ALAS1: variants seen among roughly 807,000 people sequenced by gnomAD.
ALAS1 encodes the protein 5'-aminolevulinate synthase 1, also known as 5-aminolevulinate synthase, non-specific, mitochondrial.
In ALAS1, 29 loss-of-function variants were observed where a neutral mutation model predicts 59.6. The ratio of observed to expected loss-of-function variants is 0.49; its 90% confidence interval spans 0.36 to 0.66. ALAS1 has a LOEUF of 0.66. Among genes scored for constraint, ALAS1 ranks in the 30% least tolerant of loss-of-function variants. ALAS1 has a pLI of 0.00. For synonymous variants in ALAS1, 299 were observed against 296.6 expected (o/e 1.01, Z -0.08); for missense variants, 690 against 807.5 (o/e 0.85, Z 1.76).
At chr3:52,199,118 C>T (rs1351960042) in intron 2 of ALAS1, 92 bp from the exon 3 acceptor site, 2 of 1,292,042 alleles carry the variant, frequency 1.5e-6, no homozygotes, top group South Asian at 1.4e-5. Context: ...CCAGGGTACC[C>T]TTTATATAAA....
rs1699239528 is a variant in ALAS1, at chr3:52,203,879, A to G, written c.444A>G (p.Ser148=). The G allele has an allele frequency of 6.3e-7, 1 of 1,596,414 alleles. No homozygotes were observed. Among genetic ancestry groups the G allele is most frequent in the Non-Finnish European group, 8.5e-7 (1 of 1,171,726 alleles). ...NAVRKEVAET[S]AGPSVVSVKT... ...TTGTTCCAGAGGTTGCTGAAACCTC[A>G]GCAGGCCCCAGTGTGGTTAGTGTGA... Residue 148 remains serine, a synonymous_variant, in exon 5 of 12, where the codon TCA becomes TCG. Coordinates refer to ENST00000484952, the MANE Select transcript of ALAS1 (RefSeq NM_000688.6).
Position 52,214,106 on chromosome 3 carries a change from C to T in ALAS1, c.1849C>T (p.His617Tyr). The change falls in exon 12 of 12, where the codon CAT becomes TAT. Residue 617 changes from histidine to tyrosine, a missense_variant. Physicochemically the swap from His to Tyr is moderately conservative, Grantham distance 83. Transcript: ENST00000484952. The part of the protein sequence containing the change: ...AECNFCRRPL[H>Y]FEVMSEREKS... Reference sequence around the variant, plus strand: ...GTGCAACTTCTGCAGGAGGCCACTGCATTTTGAAGTGATGAGTGAAAGAGA... The same window carrying T: ...GTGCAACTTCTGCAGGAGGCCACTGTATTTTGAAGTGATGAGTGAAAGAGA... The T allele has an allele frequency of 6.2e-7, 1 of 1,613,962 alleles. No homozygotes were observed.
intron 2 of ALAS1, 52 bp from the exon 3 acceptor site, chr3:52,199,158 T>A (rs1379873015): frequency 6.4e-7 from 1 of 1,565,972 alleles, no homozygotes; most frequent in East Asian, 2.2e-5. Context: ...CCAGTGAGCT[T>A]GCAGTGATAT....
At chr3:52,206,514 C>G in intron 7 of ALAS1, 58 bp from the exon 8 acceptor site, 1 of 1,555,970 alleles carries the variant, frequency 6.4e-7, no homozygotes, top group Non-Finnish European at 8.8e-7. Flanking sequence ...TTGTCTTTCT[C>G]TAGGAAATAA....
chr3:52,206,241 T>C (rs1047075796), intron 7 of ALAS1, among the ~76,000 whole-genome samples: 2 of 152,242 alleles, frequency 1.3e-5, no homozygotes, highest in African/African-American at 4.8e-5. Context: ...GTCTCATCCT[T>C]GAGCTAATTG....
intron 8 of ALAS1, 119 bp downstream of exon 8, chr3:52,206,870 T>C (rs1699302110): frequency 8.9e-7 from 1 of 1,128,840 alleles, no homozygotes. Context: ...ATCCTCGCTC[T>C]GTTGCCCAGG....
intron 10 of ALAS1, among the ~76,000 whole-genome samples, chr3:52,211,777 C>T (rs1699415716): frequency 6.6e-6 from 1 of 152,214 alleles, no homozygotes; most frequent in Non-Finnish European, 1.5e-5. Flanking sequence ...CTCCGGAGCA[C>T]TGACCTTAAC....
chr3:52,203,871 G>A lies in ALAS1; in HGVS notation c.436G>A (p.Glu146Lys). 6.3e-7 allele frequency: 1 copy of A among 1,581,978 alleles called. No individual in the cohort carries two copies. Among genetic ancestry groups the A allele is most frequent in the Non-Finnish European group, 8.6e-7 (1 of 1,164,726 alleles). The change falls in exon 5 of 12, where the codon GAA (glutamate) becomes AAA (lysine). Residue 146 changes from glutamate to lysine, a missense_variant. Glu to Lys is a moderately conservative substitution (Grantham distance 56). Coordinates refer to ENST00000484952, the MANE Select transcript of ALAS1 (RefSeq NM_000688.6). ...TGTTACTTTTGTTCCAGAGGTTGCTGAAACCTCAGCAGGCCCCAGTGTGGT... is the reference window on the plus strand; with the variant it reads ...TGTTACTTTTGTTCCAGAGGTTGCTAAAACCTCAGCAGGCCCCAGTGTGGT... The part of the protein sequence containing the change: ...EMNAVRKEVA[E>K]TSAGPSVVSV...
intron 1 of ALAS1, 77 bp downstream of exon 1, chr3:52,198,332 C>A (rs1699112078): frequency 7.4e-6 from 3 of 406,310 alleles, no homozygotes; most frequent in South Asian, 1.0e-4. Flanking sequence ...ACCGCTGCCC[C>A]GGGTGCTGGG....
At chr3:52,199,845 T>A (rs181274) in intron 3 of ALAS1, among the ~76,000 whole-genome samples, 76,403 of 152,074 alleles carry the variant, frequency 0.5, 19,454 homozygotes, top group Non-Finnish European at 0.54. Context: ...TTTTTGAGAC[T>A]GAGTCTTGCT....
At chr3:52,203,603 A>G (rs1577964273) in intron 4 of ALAS1, among the ~76,000 whole-genome samples, 1 of 152,128 alleles carries the variant, frequency 6.6e-6, no homozygotes, top group South Asian at 2.1e-4. Context: ...AGTGAATAAG[A>G]CATGCCAACC....
chr3:52,198,543 A>T, intron 1 of ALAS1, 129 bp from the exon 2 acceptor site: 1 of 544,462 alleles, frequency 1.8e-6, no homozygotes, highest in East Asian at 3.0e-5. Flanking sequence ...TCTGACCCCC[A>T]CTGCCGGAGG....
At position 52,211,330 on chromosome 3, in the gene ALAS1, C is replaced by T. The variant is rs377002690; in HGVS notation, c.1378C>T (p.Leu460=). Residue 460 remains leucine, a synonymous_variant, in exon 10 of 12, where the codon CTG becomes TTG. Coordinates refer to ENST00000484952, the MANE Select transcript of ALAS1 (RefSeq NM_000688.6). ...VGGYIASTSS[L]IDTVRSYAAG... is the part of the protein sequence containing the mutation. ...AGGGTACATCGCCAGCACGAGTTCTCTGATTGACACCGTACGGTCCTATGC... is the reference window on the plus strand; with the variant it reads ...AGGGTACATCGCCAGCACGAGTTCTTTGATTGACACCGTACGGTCCTATGC... 11 of 1,614,104 alleles carry T rather than the reference C, an allele frequency of 6.8e-6. No individual in the cohort carries two copies. The African/African-American group carries it at 1.2e-4, about 18-fold the overall frequency.
rs1699261414 is a variant in ALAS1 at position 52,204,837 on chromosome 3, C to T, written c.722C>T (p.Thr241Ile). ...MADDYSDSLI[T>I]KKQVSVWCSN... Reference sequence around the variant, plus strand: ...GATGACTATTCAGACTCCCTCATCACCAAAAAGCAAGTGTCAGTCTGGTGC... The same window carrying T: ...GATGACTATTCAGACTCCCTCATCATCAAAAAGCAAGTGTCAGTCTGGTGC... Residue 241 changes from threonine (T) to isoleucine (I), a missense_variant, in exon 6 of 12, where the codon ACC becomes ATC. Physicochemically the swap from Thr to Ile is moderately conservative, Grantham distance 89. Transcript: ENST00000484952. 1 of 1,614,178 alleles carries T rather than the reference C, an allele frequency of 6.2e-7. No homozygotes were observed. Among genetic ancestry groups the T allele is most frequent in the Non-Finnish European group, 8.5e-7 (1 of 1,180,032 alleles).
At position 52,214,240 on chromosome 3, in the gene ALAS1, A is replaced by G; in HGVS notation, c.*60A>G. 6.9e-7 allele frequency: 1 copy of G among 1,440,552 alleles called. No individual in the cohort carries two copies. The highest frequency in any genetic ancestry group is 9.4e-7 in the Non-Finnish European group (1 of 1,062,400). 89.2% of individuals were successfully genotyped at this position (1,440,552 alleles called of 1,614,324 possible). A position where few individuals can be genotyped will look rare whatever the true frequency, so the allele number is the denominator to read the frequency against. On this transcript the variant is annotated 3_prime_UTR_variant, in exon 12 of 12. Transcript: ENST00000484952. ...ATTATCATATCCAGATGGTCTTCAG[A>G]GTTGTCTTTATATGTGAATTAAGTT...
intron 8 of ALAS1, among the ~76,000 whole-genome samples, chr3:52,207,327 G>A (rs1333969168): frequency 6.6e-6 from 1 of 151,544 alleles, no homozygotes; most frequent in Non-Finnish European, 1.5e-5. Context: ...TTTAGTAGAC[G>A]GGGTTTCACT....
At chr3:52,203,238 T>C (rs1296110924) in intron 4 of ALAS1, among the ~76,000 whole-genome samples, 1 of 152,134 alleles carries the variant, frequency 6.6e-6, no homozygotes, top group African/African-American at 2.4e-5. Flanking sequence ...AATTGTTTTC[T>C]ATGAAGAAAA....
rs774390860 is a variant in ALAS1, at chr3:52,212,307, G to A, written c.1649G>A (p.Arg550Lys). ...NTEVCDELMS[R>K]HNIYVQAINY... ...GAAGTCTGTGATGAACTAATGAGCA[G>A]ACATAACATCTACGTGCAAGCAATC... Residue 550 changes from arginine (R) to lysine (K), a missense_variant, in exon 11 of 12, where the codon AGA (arginine) becomes AAA (lysine). Transcript: ENST00000484952. The A allele has an allele frequency of 8.1e-6, 13 of 1,614,034 alleles. No individual in the cohort carries two copies. The highest frequency in any genetic ancestry group is 1.3e-5 in the African/African-American group (1 of 74,918).
chr3:52,211,827 C>G (rs1344266694), intron 10 of ALAS1, among the ~76,000 whole-genome samples: 1 of 152,156 alleles, frequency 6.6e-6, no homozygotes, highest in African/African-American at 2.4e-5. Flanking sequence ...GCTCCAGAAG[C>G]CTGAGCTTGG....
Sources: gnomAD v4.1 joint callset for allele counts (sites outside exome capture counted in the v4.1 genomes callset) on GRCh38, gnomAD v4.1.1 for gene constraint, MANE v1.5 for transcripts, NCBI Gene and HGNC (gene_info 2026-07-23, HGNC 2026-07-21) for gene names.